Variants in RAB31 observed in about 807,000 individuals in gnomAD.
RAB31 encodes RAB31, member RAS oncogene family.
In RAB31, 21 loss-of-function variants were observed where a neutral mutation model predicts 25.6. The observed-to-expected ratio is 0.82, with a 90% CI of 0.58 to 1.18. RAB31 has a LOEUF of 1.18. Ranked by LOEUF, RAB31 falls within the 50% of genes most tolerant of loss-of-function variation. RAB31 has a pLI of 0.00. For synonymous variants in RAB31, 87 were observed against 84.0 expected, an observed-to-expected ratio of 1.04 and a Z score of -0.20; for missense variants, 196 against 250.1, an observed-to-expected ratio of 0.78 and a Z score of 1.46.
intron 1 of RAB31, among the ~76,000 whole-genome samples, chr18:9,747,443 CA>C (rs1159117302): frequency 1.3e-5 from 2 of 152,060 alleles, no homozygotes; most frequent in Non-Finnish European, 2.9e-5. Context: ...TCATAATAGC[CA>C]AAAGGTGGAA....
intron 1 of RAB31, among the ~76,000 whole-genome samples, chr18:9,745,656 C>G (rs1233574188): frequency 6.6e-6 from 1 of 152,070 alleles, no homozygotes; most frequent in African/African-American, 2.4e-5. Flanking sequence ...ATGTAATACA[C>G]CATATTAATA....
At chr18:9,804,889 C>G (rs2068532133) in intron 3 of RAB31, among the ~76,000 whole-genome samples, 1 of 152,136 alleles carries the variant, frequency 6.6e-6, no homozygotes, top group South Asian at 2.1e-4. Flanking sequence ...TTTTTTGTTT[C>G]CAGTTGTTGC....
At chr18:9,858,453 C>G (rs1599070855) in intron 6 of RAB31, among the ~76,000 whole-genome samples, 1 of 152,136 alleles carries the variant, frequency 6.6e-6, no homozygotes, top group East Asian at 1.9e-4. Context: ...TTGGTATATT[C>G]ACAGATCTGT....
intron 2 of RAB31, among the ~76,000 whole-genome samples, chr18:9,786,435 A>G (rs2068433379): frequency 6.6e-6 from 1 of 152,212 alleles, no homozygotes; most frequent in Non-Finnish European, 1.5e-5. Context: ...ATCAAACTCA[A>G]AGAGGGGTTG....
chr18:9,715,063 G>A (rs2068037089), intron 1 of RAB31, among the ~76,000 whole-genome samples: 1 of 152,174 alleles, frequency 6.6e-6, no homozygotes, highest in Non-Finnish European at 1.5e-5. Flanking sequence ...TGCCTGGGAT[G>A]GAGAGGCTTC....
chr18:9,834,011 G>T (rs191114347), intron 5 of RAB31, among the ~76,000 whole-genome samples: 1 of 152,208 alleles, frequency 6.6e-6, no homozygotes, highest in Non-Finnish European at 1.5e-5. Flanking sequence ...GTCTGGAATA[G>T]AGCCAATTAA....
At chr18:9,832,965 G>C (rs557243311) in intron 5 of RAB31, among the ~76,000 whole-genome samples, 40 of 149,138 alleles carry the variant, frequency 2.7e-4, no homozygotes, top group Admixed American at 6.7e-5. Context: ...ACACTGCACC[G>C]AGAACTCCCG....
At chr18:9,841,032 G>T (rs1042892278) in intron 5 of RAB31, among the ~76,000 whole-genome samples, 1 of 152,078 alleles carries the variant, frequency 6.6e-6, no homozygotes, top group Non-Finnish European at 1.5e-5. Flanking sequence ...AGGCTCAAGC[G>T]ATCTTCCCAT....
intron 1 of RAB31, among the ~76,000 whole-genome samples, chr18:9,729,080 A>T (rs948672107): frequency 6.6e-6 from 1 of 152,108 alleles, no homozygotes; most frequent in Non-Finnish European, 1.5e-5. Context: ...TTTGTATTGC[A>T]TATGTTTTTC....
chr18:9,725,741 G>A (rs902221769), intron 1 of RAB31, among the ~76,000 whole-genome samples: 6 of 152,194 alleles, frequency 3.9e-5, no homozygotes, highest in Admixed American at 1.3e-4. Flanking sequence ...AGGAAAACAT[G>A]CAAATTCCCA....
At chr18:9,734,702 C>G (rs1726557512) in intron 1 of RAB31, among the ~76,000 whole-genome samples, 1 of 152,202 alleles carries the variant, frequency 6.6e-6, no homozygotes, top group African/African-American at 2.4e-5. Context: ...GTCTCTGGCG[C>G]CTCAGCACTG....
intron 5 of RAB31, among the ~76,000 whole-genome samples, chr18:9,820,881 C>T (rs1287841458): frequency 6.6e-6 from 1 of 151,870 alleles, no homozygotes; most frequent in Non-Finnish European, 1.5e-5. Context: ...TTGTTTTTCT[C>T]TTTCATTTAT....
At chr18:9,803,791 A>T (rs1410515924) in intron 3 of RAB31, among the ~76,000 whole-genome samples, 1 of 152,164 alleles carries the variant, frequency 6.6e-6, no homozygotes, top group Non-Finnish European at 1.5e-5. Context: ...GCATGAGGGG[A>T]CCCTGACGGC....
At chr18:9,841,622 G>A (rs2068734992) in intron 5 of RAB31, among the ~76,000 whole-genome samples, 1 of 151,398 alleles carries the variant, frequency 6.6e-6, no homozygotes, top group African/African-American at 2.4e-5. Flanking sequence ...AATAGAATAA[G>A]TGTTCCCATG....
chr18:9,725,293 T>C (rs1458598829), intron 1 of RAB31, among the ~76,000 whole-genome samples: 1 of 152,238 alleles, frequency 6.6e-6, no homozygotes, highest in Non-Finnish European at 1.5e-5. Flanking sequence ...ACTCCACCTC[T>C]TGATGGGAGG....
intron 1 of RAB31, among the ~76,000 whole-genome samples, chr18:9,746,769 T>C (rs2068207986): frequency 6.6e-6 from 1 of 152,182 alleles, no homozygotes; most frequent in African/African-American, 2.4e-5. Context: ...CAAAAATCAA[T>C]TCAAAATGCT....
chr18:9,839,514 A>G (rs1022973854), intron 5 of RAB31, among the ~76,000 whole-genome samples: 1 of 152,190 alleles, frequency 6.6e-6, no homozygotes, highest in Admixed American at 6.5e-5. Flanking sequence ...AGAAGCGAAG[A>G]GGGGGTGACT....
intron 3 of RAB31, 42 bp from the exon 4 acceptor site, chr18:9,813,978 T>C (rs2068588227): frequency 2.2e-6 from 3 of 1,359,184 alleles, no homozygotes; most frequent in Non-Finnish European, 3.1e-6. Context: ...TTGAATAAAG[T>C]CTGTTCACTT....
intron 1 of RAB31, among the ~76,000 whole-genome samples, chr18:9,748,592 A>C (rs1376404423): frequency 1.0e-5 from 1 of 99,576 alleles, no homozygotes; most frequent in Non-Finnish European, 2.2e-5. Context: ...ACATCTGTTG[A>C]TATTTAAAAA....
Sources: gnomAD v4.1 joint callset for allele counts (sites outside exome capture counted in the v4.1 genomes callset) on GRCh38, gnomAD v4.1.1 for gene constraint, MANE v1.5 for transcripts, NCBI Gene and HGNC (gene_info 2026-07-23, HGNC 2026-07-21) for gene names.